PIK3C2G: variants seen among roughly 807,000 people sequenced by gnomAD.
PIK3C2G encodes phosphatidylinositol-4-phosphate 3-kinase catalytic subunit type 2 gamma.
In PIK3C2G, 168 loss-of-function variants were observed where a neutral mutation model predicts 181.1. That is an observed-to-expected ratio of 0.93 (90% CI 0.82 to 1.05). The LOEUF is 1.05. Among genes scored for constraint, PIK3C2G ranks in the 50% least tolerant of loss-of-function variants. The probability of loss-of-function intolerance (pLI) is 0.00; values close to 1 mark genes in which losing one functional copy is unlikely to be tolerated. For synonymous variants in PIK3C2G, 573 were observed against 592.2 expected (o/e 0.97, Z 0.47); for missense variants, 1,869 against 1,732.8 (o/e 1.08, Z -1.40).
the PIK3C2G span, chr12:18,683,655 A>G: frequency 7.5e-7 from 1 of 1,327,042 alleles, no homozygotes; most frequent in Non-Finnish European, 9.9e-7. Flanking sequence ...AAGCATATTG[A>G]GACAAGGTAA....
chr12:18,597,437 T>C (rs147260729), intron 30 of PIK3C2G, among the ~76,000 whole-genome samples: 51 of 152,168 alleles, frequency 3.4e-4, no homozygotes, highest in Admixed American at 9.8e-4. Context: ...ATAAAAATAA[T>C]AATATAAAGC....
intron 21 of PIK3C2G, 131 bp downstream of exon 21, chr12:18,496,285 T>C: frequency 1.5e-6 from 1 of 648,172 alleles, no homozygotes; most frequent in Non-Finnish European, 2.6e-6. Context: ...TTTTAGAGTC[T>C]GCCTTTTTAC....
At chr12:18,285,862 T>C (rs1949423348) in intron 2 of PIK3C2G, among the ~76,000 whole-genome samples, 1 of 151,726 alleles carries the variant, frequency 6.6e-6, no homozygotes, top group African/African-American at 2.4e-5. Flanking sequence ...ATATACTAAA[T>C]GTAAATAGAA....
rs199697804 is a variant in PIK3C2G at position 18,556,212 on chromosome 12, G to T, written c.3591-6491G>T. On this transcript the variant is annotated intron_variant, in intron 26 of 32. Transcript: ENST00000538779. Reference sequence around the variant, plus strand: ...TAATCCAAAGCATAATCCTGCTAATGCTGCCATTAAACAAAATAAATCAGG... The same window carrying T: ...TAATCCAAAGCATAATCCTGCTAATTCTGCCATTAAACAAAATAAATCAGG... Among the ~76,000 whole-genome samples, 4 of 152,082 alleles carry T rather than the reference G, an allele frequency of 2.6e-5. No individual in the cohort carries two copies. The East Asian group carries it at 5.8e-4, about 22-fold the overall frequency.
At position 18,399,657 on chromosome 12, in the gene PIK3C2G, A is replaced by G. The variant is rs371084016; in HGVS notation, c.2127-2A>G. On this transcript the variant is annotated splice_acceptor_variant, in intron 15 of 32. Transcript: ENST00000538779. LOFTEE classifies it high-confidence loss of function. ...ATTACAGTTTCCAATCTGGTTTTTC[A>G]GACTCTCTGAAGAAAAGAAAAGATA... 24 of 1,534,928 alleles carry G rather than the reference A, an allele frequency of 1.6e-5. No individual in the cohort carries two copies. The African/African-American group carries it at 2.6e-4, about 17-fold the overall frequency.
chr12:18,266,975 A>G (rs1055134061), intron 1 of PIK3C2G, among the ~76,000 whole-genome samples: 1 of 151,968 alleles, frequency 6.6e-6, no homozygotes, highest in Non-Finnish European at 1.5e-5. Flanking sequence ...ATGCATATTC[A>G]GGGTTTTCTT....
chr12:18,662,018 C>T, the PIK3C2G span, among the ~76,000 whole-genome samples: 1,085 of 152,096 alleles, frequency 7.1e-3, 6 homozygotes, highest in Non-Finnish European at 0.011. Flanking sequence ...AGTGAACTAA[C>T]GCAGGAACAG....
chr12:18,610,739 C>T (rs1948288845), intron 31 of PIK3C2G, among the ~76,000 whole-genome samples: 1 of 151,922 alleles, frequency 6.6e-6, no homozygotes, highest in African/African-American at 2.4e-5. Flanking sequence ...TTATTTATGG[C>T]TATATGCATG....
the PIK3C2G span, among the ~76,000 whole-genome samples, chr12:18,670,239 T>C: frequency 6.6e-6 from 1 of 151,732 alleles, no homozygotes; most frequent in African/African-American, 2.4e-5. Context: ...TTCAGAAGAG[T>C]TGTTTTATCA....
At chr12:18,315,886 C>A (rs1013402116) in intron 6 of PIK3C2G, among the ~76,000 whole-genome samples, 4 of 146,392 alleles carry the variant, frequency 2.7e-5, no homozygotes, top group African/African-American at 1.1e-4. Context: ...TAGCTTCATG[C>A]ATCCACGTGT....
chr12:18,415,261 A>C (rs573418922), intron 16 of PIK3C2G, among the ~76,000 whole-genome samples: 2 of 152,306 alleles, frequency 1.3e-5, no homozygotes, highest in African/African-American at 4.8e-5. Flanking sequence ...ACTTTGTGTA[A>C]CTATGTCCCA....
intron 26 of PIK3C2G, among the ~76,000 whole-genome samples, chr12:18,553,532 A>T (rs1293443100): frequency 6.6e-6 from 1 of 152,108 alleles, no homozygotes; most frequent in Non-Finnish European, 1.5e-5. Flanking sequence ...GGTGCCTGTG[A>T]TGACATTTAC....
chr12:18,536,934 C>T (rs748128155), intron 24 of PIK3C2G, among the ~76,000 whole-genome samples: 1 of 152,016 alleles, frequency 6.6e-6, no homozygotes, highest in Admixed American at 6.6e-5. Context: ...AGTGAAGGTA[C>T]TGGTATTCCA....
chr12:18,446,156 C>A (rs1350296705), intron 18 of PIK3C2G, among the ~76,000 whole-genome samples: 2 of 152,132 alleles, frequency 1.3e-5, no homozygotes, highest in Non-Finnish European at 2.9e-5. Flanking sequence ...TAGACCCTGC[C>A]AATCTGCCAC....
chr12:18,479,588 T>C (rs1174356049), intron 18 of PIK3C2G, among the ~76,000 whole-genome samples: 1 of 152,210 alleles, frequency 6.6e-6, no homozygotes, highest in Non-Finnish European at 1.5e-5. Flanking sequence ...AAATGCTTGA[T>C]AATTTCATAA....
chr12:18,488,652 A>AG, intron 19 of PIK3C2G, 23 bp downstream of exon 19: 1 of 1,402,970 alleles, frequency 7.1e-7, no homozygotes, highest in Non-Finnish European at 9.5e-7. Flanking sequence ...ATTAATATTC[A>AG]GGTAGTAATG....
chr12:18,617,559 C>T (rs758299979), intron 31 of PIK3C2G, among the ~76,000 whole-genome samples: 23 of 152,218 alleles, frequency 1.5e-4, no homozygotes, highest in Non-Finnish European at 3.2e-4. Flanking sequence ...AATCTAAAGC[C>T]TTCACAATTA....
intron 31 of PIK3C2G, among the ~76,000 whole-genome samples, chr12:18,617,404 T>C (rs564442614): frequency 1.8e-4 from 27 of 152,262 alleles, no homozygotes; most frequent in African/African-American, 6.0e-4. Flanking sequence ...AAAAGCTTTT[T>C]TGCCTATACC....
intron 1 of PIK3C2G, among the ~76,000 whole-genome samples, chr12:18,253,191 A>G (rs1948111492): frequency 6.6e-6 from 1 of 152,190 alleles, no homozygotes; most frequent in South Asian, 2.1e-4. Flanking sequence ...TATGGGAAAG[A>G]AGGAAAATTT....
Sources: allele counts gnomAD v4.1 joint callset (sites outside exome capture counted in the v4.1 genomes callset), GRCh38; gene constraint gnomAD v4.1.1; transcripts MANE v1.5; gene names NCBI Gene and HGNC (gene_info 2026-07-23, HGNC 2026-07-21).